CNBD1: variants seen among roughly 807,000 people sequenced by gnomAD.
The protein encoded by CNBD1 is cyclic nucleotide binding domain containing 1.
CNBD1 carries 71 observed loss-of-function variants against 54.4 expected under a neutral mutation model. That is an observed-to-expected ratio of 1.30 (90% CI 1.08 to 1.59). The LOEUF (loss-of-function observed/expected upper bound fraction) is 1.59, where lower values mean the gene tolerates loss of function less well. Among genes scored for constraint, CNBD1 ranks in the 40% most tolerant of loss-of-function variants. CNBD1 has a pLI of 0.00. For synonymous variants in CNBD1, 182 were observed against 170.7 expected, an observed-to-expected ratio of 1.07 and a Z score of -0.51; for missense variants, 659 against 518.0, an observed-to-expected ratio of 1.27 and a Z score of -2.64.
intron 4 of CNBD1, among the ~76,000 whole-genome samples, chr8:87,201,619 G>T (rs1190243673): frequency 1.3e-5 from 2 of 151,884 alleles, no homozygotes; most frequent in African/African-American, 4.8e-5. Flanking sequence ...AAACCATTTA[G>T]AATACCCTCA....
chr8:86,922,961 C>T (rs1013067749), intron 3 of CNBD1, among the ~76,000 whole-genome samples: 9 of 152,142 alleles, frequency 5.9e-5, no homozygotes, highest in African/African-American at 2.2e-4. Context: ...GGGGTGAGAA[C>T]ATTTTAAAAA....
chr8:87,208,633 C>T (rs770383219), intron 5 of CNBD1, among the ~76,000 whole-genome samples: 2 of 151,996 alleles, frequency 1.3e-5, no homozygotes, highest in South Asian at 4.1e-4. Context: ...AGTTACTAAC[C>T]TGTAACAATA....
intron 3 of CNBD1, among the ~76,000 whole-genome samples, chr8:86,910,584 A>T (rs914842734): frequency 1.3e-5 from 2 of 152,176 alleles, no homozygotes; most frequent in Non-Finnish European, 2.9e-5. Context: ...GTCACAGTAA[A>T]ATTGCTACAT....
At chr8:87,181,768 C>T (rs1293794606) in intron 4 of CNBD1, among the ~76,000 whole-genome samples, 2 of 152,028 alleles carry the variant, frequency 1.3e-5, no homozygotes, top group Non-Finnish European at 2.9e-5. Flanking sequence ...AATTTTTCTT[C>T]TTTTTCTAGG....
intron 6 of CNBD1, among the ~76,000 whole-genome samples, chr8:87,273,869 C>G (rs1054747675): frequency 5.3e-5 from 8 of 151,388 alleles, no homozygotes; most frequent in African/African-American, 1.7e-4. Flanking sequence ...TGTGCTGCAC[C>G]CACTAACTCG....
In CNBD1 at chr8:87,380,237, T is replaced by C. The variant is rs539822143; in HGVS notation, c.1304-2383T>C. ...TAGAAATGCAAAATGTAATAGCTTC[T>C]CTACCTAAATAGTATACAGTTAGAA... On this transcript the variant is annotated intron_variant, in intron 10 of 10. Transcript: ENST00000518476. Among the ~76,000 whole-genome samples, 68 of 152,136 alleles carry C rather than the reference T, an allele frequency of 4.5e-4. No homozygotes were observed. The South Asian group carries it at 0.014, about 31-fold the overall frequency.
At chr8:87,016,233 T>C (rs181712990) in intron 4 of CNBD1, among the ~76,000 whole-genome samples, 1 of 151,916 alleles carries the variant, frequency 6.6e-6, no homozygotes, top group Non-Finnish European at 1.5e-5. Flanking sequence ...TAATTTAAAA[T>C]TCTTAAAGTC....
chr8:86,894,034 A>ATTT (rs1372102651), intron 2 of CNBD1, among the ~76,000 whole-genome samples: 16 of 91,660 alleles, frequency 1.7e-4, no homozygotes, highest in African/African-American at 5.1e-4. Flanking sequence ...TTAATAGATT[A>ATTT]ATTTTTTTTT....
In CNBD1 at chr8:87,251,554, C is replaced by G. The variant is rs565351156; in HGVS notation, c.771+14442C>G. Reference sequence around the variant, plus strand: ...AGTGAGCCAAGATTGCGCCATTGCACTCCAGCCTGTACAACAAGAGCGAAA... The same window carrying G: ...AGTGAGCCAAGATTGCGCCATTGCAGTCCAGCCTGTACAACAAGAGCGAAA... On this transcript the variant is annotated intron_variant, in intron 6 of 10. Transcript: ENST00000518476. 3.3e-5 allele frequency among the ~76,000 whole-genome samples: 5 copies of G among 150,188 alleles called. No homozygotes were observed. The East Asian group carries it at 7.8e-4, about 24-fold the overall frequency.
chr8:87,102,144 C>A (rs945508038), intron 4 of CNBD1, among the ~76,000 whole-genome samples: 1 of 152,062 alleles, frequency 6.6e-6, no homozygotes, highest in Non-Finnish European at 1.5e-5. Flanking sequence ...GCCTCGGCCT[C>A]CCAAAGTGCT....
chr8:86,877,325 C>T (rs1586105205), intron 1 of CNBD1, among the ~76,000 whole-genome samples: 1 of 152,092 alleles, frequency 6.6e-6, no homozygotes, highest in South Asian at 2.1e-4. Flanking sequence ...TTTGCCTACA[C>T]TTTATTAGTA....
At chr8:87,260,790 A>G (rs1808122082) in intron 6 of CNBD1, among the ~76,000 whole-genome samples, 1 of 151,972 alleles carries the variant, frequency 6.6e-6, no homozygotes. Flanking sequence ...ACTATAAGTT[A>G]TCTTTAGTAA....
intron 4 of CNBD1, among the ~76,000 whole-genome samples, chr8:87,143,478 CT>C (rs1366442555): frequency 6.6e-6 from 1 of 152,134 alleles, no homozygotes; most frequent in Non-Finnish European, 1.5e-5. Context: ...TTATATCAGT[CT>C]GATCAAAATA....
chr8:87,375,071 A>G (rs1810897415), intron 10 of CNBD1, among the ~76,000 whole-genome samples: 1 of 151,942 alleles, frequency 6.6e-6, no homozygotes, highest in Non-Finnish European at 1.5e-5. Flanking sequence ...ACTCAAAAAT[A>G]ATTATACAGT....
In CNBD1 at chr8:87,412,871, G is replaced by T. The variant is rs147516777; in HGVS notation, c.214-15675G>T. ...TTGTGAGGCTCTTATATAAGACAAG[G>T]TAAACATGCGAAAAGAAGGAATAGA... is the stretch of plus-strand genomic sequence containing the variant. On this transcript the variant is annotated intron_variant, in intron 2 of 7. Transcript: ENST00000521593. Among the ~76,000 whole-genome samples the T allele has an allele frequency of 5.3e-5, 8 of 152,120 alleles. No individual in the cohort carries two copies. In the South Asian group the frequency reaches 1.7e-3, roughly 32 times the overall value.
intron 6 of CNBD1, among the ~76,000 whole-genome samples, chr8:87,261,470 A>G (rs552536565): frequency 1.1e-4 from 16 of 151,434 alleles, no homozygotes; most frequent in African/African-American, 3.6e-4. Context: ...CCCCAGAATC[A>G]CAGTGGATTC....
chr8:87,401,553 T>A (rs1211663437), intron 2 of CNBD1, among the ~76,000 whole-genome samples: 2 of 152,090 alleles, frequency 1.3e-5, no homozygotes, highest in Non-Finnish European at 2.9e-5. Context: ...TTCTTGTTTT[T>A]TATGTTATTT....
At chr8:87,410,670 T>A (rs1807726300) in intron 2 of CNBD1, among the ~76,000 whole-genome samples, 1 of 152,140 alleles carries the variant, frequency 6.6e-6, no homozygotes, top group Non-Finnish European at 1.5e-5. Context: ...GAGGATTGAC[T>A]GCAGTTTTAA....
At chr8:87,077,510 A>G (rs1195217999) in intron 4 of CNBD1, among the ~76,000 whole-genome samples, 1 of 146,700 alleles carries the variant, frequency 6.8e-6, no homozygotes, top group African/African-American at 2.5e-5. Flanking sequence ...TGCTGCACCC[A>G]TTAACTCGTC....
Sources: allele counts gnomAD v4.1 joint callset (sites outside exome capture counted in the v4.1 genomes callset), GRCh38; gene constraint gnomAD v4.1.1; transcripts MANE v1.5; gene names NCBI Gene and HGNC (gene_info 2026-07-23, HGNC 2026-07-21).